The following EMC2 variants were observed in gnomAD, a reference collection of about 807,000 sequenced individuals.
EMC2 encodes TPR repeat protein 35.
EMC2 carries 37 observed loss-of-function variants against 51.6 expected under a neutral mutation model. That is an observed-to-expected ratio of 0.72 (90% confidence interval 0.55 to 0.94). The LOEUF (loss-of-function observed/expected upper bound fraction) is 0.94. EMC2 is among the 40% of genes least tolerant of loss of function. The pLI, the probability that EMC2 is intolerant of heterozygous loss-of-function variation, is 0.00. For synonymous variants in EMC2, 131 were observed against 112.4 expected (o/e 1.17, Z -1.04); for missense variants, 359 against 350.9 (o/e 1.02, Z -0.18).
intron 9 of EMC2, 98 bp from the exon 10 acceptor site, chr8:108,478,908 A>T: frequency 2.3e-6 from 1 of 437,090 alleles, no homozygotes; most frequent in Non-Finnish European, 3.9e-6. Context: ...GTTTTTAAAA[A>T]TTCTTTATTA....
intron 5 of EMC2, 75 bp downstream of exon 5, chr8:108,456,005 T>A (rs111255731): frequency 6.8e-5 from 23 of 338,946 alleles, no homozygotes; most frequent in Non-Finnish European, 9.7e-5. Context: ...AAATAATAGA[T>A]ACATAAGGAA....
chr8:108,478,725 G>C (rs907118186), intron 9 of EMC2, among the ~76,000 whole-genome samples: 4 of 151,588 alleles, frequency 2.6e-5, no homozygotes, highest in African/African-American at 9.7e-5. Context: ...TAAATGATAT[G>C]GAATTTTACC....
Position 108,486,506 on chromosome 8 carries a change from A to C in EMC2, c.808-6A>C, listed in dbSNP as rs74591331. The C allele has an allele frequency of 2.2e-6, 2 of 919,788 alleles. No homozygotes were observed. Among genetic ancestry groups the C allele is most frequent in the Admixed American group, 6.7e-5 (1 of 15,002 alleles). 57.0% of individuals were successfully genotyped at this position (919,788 alleles called of 1,614,324 possible). A position where few individuals can be genotyped will look rare whatever the true frequency, so the allele number is the denominator to read the frequency against. On this transcript the variant is annotated splice_polypyrimidine_tract_variant and splice_region_variant and intron_variant, in intron 10 of 10. Coordinates refer to ENST00000220853, the MANE Select transcript of EMC2 (RefSeq NM_014673.5). ...AATTGAGCTTTTTTTTTTTTTTTTT[A>C]ATTAGTTTGCAGGTCGAAGTAAGAA...
At chr8:108,461,241 C>A (rs1160069761) in intron 5 of EMC2, among the ~76,000 whole-genome samples, 1 of 152,158 alleles carries the variant, frequency 6.6e-6, no homozygotes, top group African/African-American at 2.4e-5. Flanking sequence ...TTCTGGATAT[C>A]CAGTATAGAA....
chr8:108,455,848 G>C (rs764168909), intron 4 of EMC2, 25 bp from the exon 5 acceptor site: 10 of 834,674 alleles, frequency 1.2e-5, no homozygotes, highest in Non-Finnish European at 1.7e-5. Context: ...AATAATTGTA[G>C]ATGTTTCTTT....
rs750318375 is a variant in EMC2, at chr8:108,478,994, A to G, written c.703-12A>G. On this transcript the variant is annotated splice_polypyrimidine_tract_variant and intron_variant, in intron 9 of 10. Coordinates refer to ENST00000220853, the MANE Select transcript of EMC2 (RefSeq NM_014673.5). ...AAGGAATTTTGCTTTTGATGTTTTT[A>G]TTTGTTTTTAGTCGGCAAGTCATAT... 3 of 1,516,474 alleles carry G rather than the reference A, an allele frequency of 2.0e-6. No individual in the cohort carries two copies. The East Asian group carries it at 7.2e-5, about 36-fold the overall frequency. 93.9% of individuals were successfully genotyped at this position (1,516,474 alleles called of 1,614,324 possible).
At position 108,455,920 on chromosome 8, in the gene EMC2, C is replaced by T. The variant is rs1417150092; in HGVS notation, c.353C>T (p.Pro118Leu). 2.2e-6 allele frequency: 3 copies of T among 1,357,328 alleles called. No individual in the cohort carries two copies. The highest frequency in any genetic ancestry group is 3.0e-6 in the Non-Finnish European group (3 of 1,002,454). 84.1% of individuals were successfully genotyped at this position (1,357,328 alleles called of 1,614,324 possible). A position where few individuals can be genotyped will look rare whatever the true frequency, so the allele number is the denominator to read the frequency against. Reference protein sequence around the residue: ...QLYDRILQEDPTNTAARKRKI... With the variant: ...QLYDRILQEDLTNTAARKRKI... ...TATGATAGGATTTTACAAGAAGATC[C>T]AACTAACACTGTAAGTTGGCAGATT... Residue 118 changes from proline to leucine, a missense_variant, in exon 5 of 11, where the codon CCA (proline) becomes CTA (leucine). Transcript: ENST00000220853.
intron 3 of EMC2, among the ~76,000 whole-genome samples, chr8:108,452,392 C>T (rs1430707390): frequency 6.6e-6 from 1 of 152,218 alleles, no homozygotes; most frequent in East Asian, 1.9e-4. Context: ...CATGTTGAAA[C>T]CCCGTCTCTA....
intron 10 of EMC2, among the ~76,000 whole-genome samples, chr8:108,484,161 T>C (rs1343091900): frequency 6.6e-6 from 1 of 152,110 alleles, no homozygotes; most frequent in Non-Finnish European, 1.5e-5. Flanking sequence ...GATAAATCCT[T>C]CTTTGTTGCA....
At chr8:108,445,654 G>C (rs1230440628) in intron 1 of EMC2, among the ~76,000 whole-genome samples, 1 of 150,362 alleles carries the variant, frequency 6.7e-6, no homozygotes, top group Non-Finnish European at 1.5e-5. Context: ...GCAATCCTTC[G>C]ATTATGTATT....
intron 9 of EMC2, 52 bp from the exon 10 acceptor site, chr8:108,478,954 T>C: frequency 9.8e-7 from 1 of 1,016,848 alleles, no homozygotes; most frequent in Non-Finnish European, 1.4e-6. Context: ...TTTTTGATTA[T>C]CTTGACTAGC....
chr8:108,468,547 C>G (rs1810783667), intron 5 of EMC2, among the ~76,000 whole-genome samples: 1 of 151,978 alleles, frequency 6.6e-6, no homozygotes, highest in Non-Finnish European at 1.5e-5. Context: ...AAACATTGCT[C>G]TGACCCTTAT....
At chr8:108,469,716 C>T in intron 5 of EMC2, 110 bp from the exon 6 acceptor site, 1 of 854,960 alleles carries the variant, frequency 1.2e-6, no homozygotes, top group Non-Finnish European at 1.9e-6. Flanking sequence ...AGTAGTTCTA[C>T]AATGGAATTT....
chr8:108,456,269 G>A (rs1420766746), intron 5 of EMC2, among the ~76,000 whole-genome samples: 1 of 139,240 alleles, frequency 7.2e-6, no homozygotes, highest in Non-Finnish European at 1.5e-5. Flanking sequence ...GGTGGCAGAG[G>A]TTGCAGTGAG....
At chr8:108,485,765 G>A (rs1811127703) in intron 10 of EMC2, among the ~76,000 whole-genome samples, 1 of 150,902 alleles carries the variant, frequency 6.6e-6, no homozygotes, top group African/African-American at 2.4e-5. Flanking sequence ...AATATGCCAT[G>A]AATTTGCTTT....
intron 1 of EMC2, among the ~76,000 whole-genome samples, chr8:108,448,698 T>C (rs1818939069): frequency 6.6e-6 from 1 of 152,220 alleles, no homozygotes; most frequent in Non-Finnish European, 1.5e-5. Context: ...CGGGTACGTC[T>C]TTATCAGCAG....
intron 1 of EMC2, among the ~76,000 whole-genome samples, chr8:108,446,532 T>C (rs1279294005): frequency 6.6e-6 from 1 of 152,114 alleles, no homozygotes; most frequent in Admixed American, 6.5e-5. Context: ...TCCACAGGAC[T>C]TAGATATACA....
intron 1 of EMC2, among the ~76,000 whole-genome samples, chr8:108,446,720 A>G (rs1818885308): frequency 6.6e-6 from 1 of 152,134 alleles, no homozygotes; most frequent in East Asian, 1.9e-4. Context: ...CAAAGGTGAA[A>G]ACATGTTTTC....
intron 5 of EMC2, among the ~76,000 whole-genome samples, chr8:108,460,244 A>G (rs904869117): frequency 2.6e-5 from 4 of 152,200 alleles, no homozygotes; most frequent in African/African-American, 9.6e-5. Context: ...TTACATTGGG[A>G]ATTTTTAATA....
Sources: allele counts gnomAD v4.1 joint callset (sites outside exome capture counted in the v4.1 genomes callset), GRCh38; gene constraint gnomAD v4.1.1; transcripts MANE v1.5; gene names NCBI Gene and HGNC (gene_info 2026-07-23, HGNC 2026-07-21).